Variants in RAB1A observed in about 807,000 individuals in gnomAD.
RAB1A encodes the protein ras-related protein Rab-1A.
In RAB1A, 2 loss-of-function variants were observed where a neutral mutation model predicts 26.0. The observed-to-expected ratio is 0.08, with a 90% CI of 0.03 to 0.24. The LOEUF (loss-of-function observed/expected upper bound fraction) is 0.24, where lower values mean the gene tolerates loss of function less well. Among genes scored for constraint, RAB1A ranks in the 10% least tolerant of loss-of-function variants. The pLI is 1.00. For synonymous variants in RAB1A, 84 were observed against 84.9 expected (o/e 0.99, Z 0.06); for missense variants, 100 against 247.0 (o/e 0.40, Z 3.99).
intron 1 of RAB1A, among the ~76,000 whole-genome samples, chr2:65,106,901 G>A (rs1329787235): frequency 6.6e-6 from 1 of 151,640 alleles, no homozygotes; most frequent in Non-Finnish European, 1.5e-5. Flanking sequence ...ACAGAGTCTT[G>A]CTCTGTTGCT....
intron 1 of RAB1A, among the ~76,000 whole-genome samples, chr2:65,128,428 C>G (rs886897689): frequency 6.6e-6 from 1 of 152,164 alleles, no homozygotes; most frequent in Non-Finnish European, 1.5e-5. Flanking sequence ...CTCCGTTCAA[C>G]TGTGCAAAAC....
intron 1 of RAB1A, among the ~76,000 whole-genome samples, chr2:65,118,238 C>G (rs961718084): frequency 1.3e-5 from 2 of 152,184 alleles, no homozygotes; most frequent in Non-Finnish European, 2.9e-5. Context: ...AAATTATAGG[C>G]CCCTTCCCCA....
At chr2:65,098,130 G>GAA (rs199607937) in intron 2 of RAB1A, 64 bp from the exon 3 acceptor site, 327 of 728,680 alleles carry the variant, frequency 4.5e-4, no homozygotes, top group South Asian at 1.1e-3. Context: ...AGTCTAAGTG[G>GAA]AAAAAAAAAA....
At position 65,113,256 on chromosome 2, in the gene RAB1A, T is replaced by C. The variant is rs192038649; in HGVS notation, c.24-8450A>G. ...TGCGTGCAAAAATGGCATCGGTACATATATGTACATTTATGATCTGAACAT... is the reference window on the plus strand; with the variant it reads ...TGCGTGCAAAAATGGCATCGGTACACATATGTACATTTATGATCTGAACAT... On this transcript the variant is annotated intron_variant, in intron 1 of 5. Transcript: ENST00000409784. Among the ~76,000 whole-genome samples the C allele has an allele frequency of 9.8e-5, 15 of 152,340 alleles. 1 individual carries two copies. Among genetic ancestry groups the C allele is most frequent in the Admixed American group, 9.8e-4 (15 of 15,290 alleles).
chr2:65,092,111 A>G (rs933117847), intron 3 of RAB1A, among the ~76,000 whole-genome samples: 1 of 152,134 alleles, frequency 6.6e-6, no homozygotes, highest in African/African-American at 2.4e-5. Flanking sequence ...TGTCTCTACT[A>G]AAAATCCAAA....
At chr2:65,104,977 G>C (rs1669520145) in intron 1 of RAB1A, 171 bp from the exon 2 acceptor site, 2 of 732,084 alleles carry the variant, frequency 2.7e-6, no homozygotes, top group Middle Eastern at 2.4e-4. Context: ...CCTTCTGACA[G>C]ATCACTAAAC....
intron 3 of RAB1A, among the ~76,000 whole-genome samples, 158 bp from the exon 4 acceptor site, chr2:65,091,236 G>A (rs1373359261): frequency 1.3e-5 from 2 of 152,098 alleles, no homozygotes; most frequent in East Asian, 1.9e-4. Flanking sequence ...TAAATTGCAC[G>A]GTAATAAGCA....
chr2:65,123,900 T>TAAA (rs34033066), intron 1 of RAB1A, among the ~76,000 whole-genome samples: 1 of 149,142 alleles, frequency 6.7e-6, no homozygotes, highest in African/African-American at 2.5e-5. Flanking sequence ...AAGACAACGT[T>TAAA]AAAAAAAAAA....
At chr2:65,106,355 A>G in intron 1 of RAB1A, 1 of 326,302 alleles carries the variant, frequency 3.1e-6, no homozygotes, top group South Asian at 2.3e-5. Flanking sequence ...CCACGTCACA[A>G]TTTAGATTAA....
chr2:65,104,654 T>G, intron 2 of RAB1A, 80 bp downstream of exon 2: 1 of 1,059,486 alleles, frequency 9.4e-7, no homozygotes, highest in South Asian at 1.5e-5. Flanking sequence ...TGAATAAAAC[T>G]GTTTAATTTT....
intron 2 of RAB1A, among the ~76,000 whole-genome samples, chr2:65,103,299 C>CCAAAAAAAAAAAAAAAA (rs1280376062): frequency 2.5e-4 from 11 of 44,100 alleles, no homozygotes; most frequent in African/African-American, 7.7e-4. Context: ...GAATCTGTCT[C>CCAAAAAAAAAAAAAAAA]AAAAAAAAAA....
At position 65,128,648 on chromosome 2, in the gene RAB1A, A is replaced by G. The variant is rs147259167; in HGVS notation, c.23+1245T>C. ...AAGAGCCATGTGACACACATATGAC[A>G]GTCAGCTAAACTGGTGGGTGGACCT... On this transcript the variant is annotated intron_variant, in intron 1 of 5. Coordinates refer to ENST00000409784, the MANE Select transcript of RAB1A (RefSeq NM_004161.5). Among the ~76,000 whole-genome samples the G allele has an allele frequency of 2.5e-3, 377 of 152,344 alleles. 4 individuals carry two copies. Among genetic ancestry groups the G allele is most frequent in the African/African-American group, 8.6e-3 (358 of 41,582 alleles).
chr2:65,120,275 G>C (rs934883739), intron 1 of RAB1A, among the ~76,000 whole-genome samples: 7 of 151,776 alleles, frequency 4.6e-5, no homozygotes, highest in African/African-American at 1.7e-4. Context: ...GGCCAATAAG[G>C]TGAAACTCCG....
At chr2:65,105,282 T>A in intron 1 of RAB1A, 6 of 203,186 alleles carry the variant, frequency 3.0e-5, no homozygotes, top group Non-Finnish European at 6.1e-5. Flanking sequence ...AGGCAGGCAG[T>A]TCACTTGAGG....
At chr2:65,118,613 G>T (rs1227461038) in intron 1 of RAB1A, among the ~76,000 whole-genome samples, 2 of 152,112 alleles carry the variant, frequency 1.3e-5, no homozygotes, top group African/African-American at 4.8e-5. Context: ...AAGTAGCTGG[G>T]ACTACAGGCA....
intron 2 of RAB1A, among the ~76,000 whole-genome samples, chr2:65,100,896 A>T (rs1669409016): frequency 6.6e-6 from 1 of 152,152 alleles, no homozygotes; most frequent in Non-Finnish European, 1.5e-5. Context: ...CTGTAATCCC[A>T]GCACTTTGGG....
intron 1 of RAB1A, among the ~76,000 whole-genome samples, chr2:65,113,424 T>G (rs943758895): frequency 5.9e-5 from 9 of 152,146 alleles, no homozygotes; most frequent in Non-Finnish European, 1.3e-4. Flanking sequence ...GAGGGTAACT[T>G]GAGCCCAGGA....
chr2:65,096,225 G>C (rs910878163), intron 3 of RAB1A, among the ~76,000 whole-genome samples: 1 of 152,006 alleles, frequency 6.6e-6, no homozygotes, highest in South Asian at 2.1e-4. Context: ...TAAGGCAGGA[G>C]AATCACTTGA....
Position 65,130,056 on chromosome 2 carries a change from T to C in RAB1A, c.-141A>G. 2 of 943,818 alleles carry C rather than the reference T, an allele frequency of 2.1e-6. No homozygotes were observed. Among genetic ancestry groups the C allele is most frequent in the African/African-American group, 1.6e-5 (1 of 61,340 alleles). 58.5% of individuals were successfully genotyped at this position (943,818 alleles called of 1,614,324 possible). A position where few individuals can be genotyped will look rare whatever the true frequency, so the allele number is the denominator to read the frequency against. On this transcript the variant is annotated 5_prime_UTR_variant, in exon 1 of 6. Transcript: ENST00000409784. ...AAACGTCTTCCCCTACTCCGTCCCC[T>C]AGAACACAATCAGCAGCCGCCGCCA...
Sources: gnomAD v4.1 joint callset for allele counts (sites outside exome capture counted in the v4.1 genomes callset) on GRCh38, gnomAD v4.1.1 for gene constraint, MANE v1.5 for transcripts, NCBI Gene and HGNC (gene_info 2026-07-23, HGNC 2026-07-21) for gene names.